Variants in NEK11 observed in about 807,000 individuals in gnomAD.
NEK11 encodes serine/threonine-protein kinase Nek11.
In NEK11, 72 loss-of-function variants were observed where a neutral mutation model predicts 80.7. The ratio of observed to expected loss-of-function variants is 0.89; its 90% CI spans 0.74 to 1.08. The LOEUF (loss-of-function observed/expected upper bound fraction) is 1.08. Ranked by LOEUF, NEK11 falls within the 50% of genes least tolerant of loss-of-function variation. The pLI, the probability that NEK11 is intolerant of heterozygous loss-of-function variation, is 0.00. For synonymous variants in NEK11, 251 were observed against 260.7 expected (o/e 0.96, Z 0.36); for missense variants, 764 against 763.6 (o/e 1.00, Z -0.01).
intron 14 of NEK11, among the ~76,000 whole-genome samples, chr3:131,174,251 A>G (rs1399063091): frequency 7.2e-5 from 11 of 152,246 alleles, no homozygotes; most frequent in Admixed American, 5.2e-4. Flanking sequence ...CAACTACCAG[A>G]AAATTAGTGA....
At chr3:131,174,759 T>C (rs2092909452) in intron 14 of NEK11, 1 of 1,607,930 alleles carries the variant, frequency 6.2e-7, no homozygotes, top group South Asian at 1.1e-5. Flanking sequence ...TTATATTTTA[T>C]TTTTTAGCAA....
intron 16 of NEK11, among the ~76,000 whole-genome samples, chr3:131,252,035 A>G (rs975096539): frequency 3.3e-5 from 5 of 152,080 alleles, no homozygotes; most frequent in African/African-American, 1.2e-4. Context: ...AGGGTCTAAC[A>G]TTGCCCAGGT....
At chr3:131,053,015 C>T (rs185355549) in intron 3 of NEK11, among the ~76,000 whole-genome samples, 221 of 152,052 alleles carry the variant, frequency 1.5e-3, no homozygotes, top group Middle Eastern at 0.014. Flanking sequence ...CTCTTTCCCG[C>T]CCCCCGGGAC....
At chr3:131,120,891 C>G (rs964987061) in intron 5 of NEK11, among the ~76,000 whole-genome samples, 7 of 152,120 alleles carry the variant, frequency 4.6e-5, no homozygotes, top group African/African-American at 1.4e-4. Flanking sequence ...AATCTTATTT[C>G]AAGGTTTTCA....
chr3:131,326,081 A>AT (rs565810828), intron 17 of NEK11: 202 of 152,376 alleles, frequency 1.3e-3, no homozygotes, highest in African/African-American at 4.5e-3. Flanking sequence ...TTTGTAGATT[A>AT]GAAACAGAAG....
At chr3:131,095,706 T>A (rs2077332619) in intron 4 of NEK11, among the ~76,000 whole-genome samples, 1 of 152,142 alleles carries the variant, frequency 6.6e-6, no homozygotes, top group African/African-American at 2.4e-5. Context: ...ATTTAACACA[T>A]CAAATAAGCC....
At chr3:131,027,625 C>T (rs1031604046) in intron 1 of NEK11, 1 of 152,148 alleles carries the variant, frequency 6.6e-6, no homozygotes, top group South Asian at 2.1e-4. Flanking sequence ...TCACTCAAAC[C>T]TCGAGGGGGA....
chr3:131,104,428 T>A (rs1037249267), intron 4 of NEK11, among the ~76,000 whole-genome samples: 2 of 152,092 alleles, frequency 1.3e-5, no homozygotes. Context: ...TGGAGGCCAA[T>A]GACAGTTCTT....
intron 10 of NEK11, among the ~76,000 whole-genome samples, chr3:131,161,145 A>G (rs1472919064): frequency 1.6e-5 from 2 of 126,664 alleles, no homozygotes; most frequent in African/African-American, 2.8e-5. Flanking sequence ...GCAAGACTCC[A>G]TCTCAAAAAA....
intron 3 of NEK11, among the ~76,000 whole-genome samples, chr3:131,066,872 G>A (rs964542684): frequency 6.6e-6 from 1 of 150,958 alleles, no homozygotes; most frequent in African/African-American, 2.4e-5. Flanking sequence ...AAGAAAAAGA[G>A]GATTTACAAG....
chr3:131,329,135 A>T (rs2097027801), intron 17 of NEK11: 1 of 152,236 alleles, frequency 6.6e-6, no homozygotes, highest in African/African-American at 2.4e-5. Flanking sequence ...TTATCTAAAG[A>T]TGATTGTGCA....
intron 16 of NEK11, among the ~76,000 whole-genome samples, chr3:131,269,905 A>G (rs1222678241): frequency 6.6e-6 from 1 of 152,196 alleles, no homozygotes; most frequent in Non-Finnish European, 1.5e-5. Context: ...AAAGCTGATA[A>G]CACAGTGGAA....
At chr3:131,081,340 C>T (rs370286687) in intron 4 of NEK11, among the ~76,000 whole-genome samples, 1 of 152,050 alleles carries the variant, frequency 6.6e-6, no homozygotes, top group South Asian at 2.1e-4. Context: ...CTTTTTTCCC[C>T]ACAAGAATTC....
At chr3:131,122,064 C>T (rs938027785) in intron 5 of NEK11, among the ~76,000 whole-genome samples, 9 of 152,232 alleles carry the variant, frequency 5.9e-5, no homozygotes, top group African/African-American at 2.2e-4. Flanking sequence ...CTGTGTCGCT[C>T]ATGCTGGGAG....
chr3:131,198,376 G>A (rs995764861), intron 14 of NEK11, among the ~76,000 whole-genome samples: 9 of 152,204 alleles, frequency 5.9e-5, no homozygotes, highest in African/African-American at 1.7e-4. Flanking sequence ...TTCATTGTCT[G>A]GAAGAAATGT....
At chr3:131,192,717 G>A (rs1461537007) in intron 14 of NEK11, among the ~76,000 whole-genome samples, 1 of 152,122 alleles carries the variant, frequency 6.6e-6, no homozygotes, top group Non-Finnish European at 1.5e-5. Context: ...CTGCTTTAAT[G>A]AGCTACGTAT....
intron 14 of NEK11, among the ~76,000 whole-genome samples, chr3:131,173,330 A>G (rs1029127377): frequency 6.6e-5 from 10 of 152,132 alleles, no homozygotes; most frequent in Admixed American, 1.3e-4. Flanking sequence ...AAGTTAGGCA[A>G]TATGTAGCTC....
intron 14 of NEK11, among the ~76,000 whole-genome samples, chr3:131,203,330 C>A (rs2094313962): frequency 6.8e-6 from 1 of 147,874 alleles, no homozygotes; most frequent in South Asian, 2.1e-4. Flanking sequence ...ATCGCAAGGA[C>A]AAAAAACCAA....
intron 14 of NEK11, among the ~76,000 whole-genome samples, chr3:131,215,834 C>T (rs2094817227): frequency 6.6e-6 from 1 of 152,140 alleles, no homozygotes; most frequent in Non-Finnish European, 1.5e-5. Flanking sequence ...TAAAGTGACT[C>T]ACATCCCAGA....
Sources: allele counts gnomAD v4.1 joint callset (sites outside exome capture counted in the v4.1 genomes callset), GRCh38; gene constraint gnomAD v4.1.1; transcripts MANE v1.5; gene names NCBI Gene and HGNC (gene_info 2026-07-23, HGNC 2026-07-21).